ITPR1: variants seen among roughly 807,000 people sequenced by gnomAD.
ITPR1 encodes the protein inositol 1,4,5-trisphosphate-gated calcium channel ITPR1.
Under a neutral mutation model 318.4 loss-of-function variants are expected in ITPR1, and 96 were observed. The observed-to-expected ratio is 0.30, with a 90% CI of 0.26 to 0.36. The LOEUF is 0.36. ITPR1 is among the 10% of genes least tolerant of loss of function. The probability of loss-of-function intolerance (pLI) is 1.00; values close to 1 mark genes in which losing one functional copy is unlikely to be tolerated. For synonymous variants in ITPR1, 1,312 were observed against 1,289.9 expected (o/e 1.02, Z -0.37); for missense variants, 2,440 against 3,460.2 (o/e 0.71, Z 7.40).
chr3:4,645,975 A>T (rs2093447002), intron 10 of ITPR1: 2 of 442,570 alleles, frequency 4.5e-6, no homozygotes, highest in Non-Finnish European at 8.2e-6. Context: ...TAAGTGCATC[A>T]TGGCATATCA....
At chr3:4,673,615 C>T (rs1225290206) in intron 21 of ITPR1, among the ~76,000 whole-genome samples, 1 of 152,142 alleles carries the variant, frequency 6.6e-6, no homozygotes, top group Non-Finnish European at 1.5e-5. Flanking sequence ...TGGAGTCTCA[C>T]TCTGTTGCCC....
Position 4,526,480 on chromosome 3 carries a change from C to T in ITPR1, c.163+5386C>T, listed in dbSNP as rs529758148. ...TCCAGCGCTGAGGCCCTACTGTGTA[C>T]CAGCTGCTGGCCTTGGTGATGGCAG... On this transcript the variant is annotated intron_variant, in intron 4 of 61. Transcript: ENST00000649015. Among the ~76,000 whole-genome samples the T allele has an allele frequency of 3.3e-4, 51 of 152,336 alleles. No homozygotes were observed. In the South Asian group the frequency reaches 3.7e-3, roughly 11 times the overall value.
In ITPR1 at chr3:4,522,121, A is replaced by G. The variant is rs73807282; in HGVS notation, c.163+1027A>G. On this transcript the variant is annotated intron_variant, in intron 4 of 61. Transcript: ENST00000649015. ...TCATCTGAGGAAGTTTTTAAATTAA[A>G]TAGATGCTTGGGGCTCCATTGTAGA... Among the ~76,000 whole-genome samples the G allele has an allele frequency of 5.9e-3, 899 of 152,322 alleles. 8 individuals are homozygous for G. The highest frequency in any genetic ancestry group is 0.021 in the African/African-American group (871 of 41,572).
intron 4 of ITPR1, among the ~76,000 whole-genome samples, chr3:4,531,179 G>A (rs748369993): frequency 5.3e-5 from 8 of 152,140 alleles, no homozygotes; most frequent in Non-Finnish European, 1.2e-4. Context: ...TGCCACTTAA[G>A]TGAATTCACA....
intron 40 of ITPR1, among the ~76,000 whole-genome samples, chr3:4,723,212 G>T (rs546214262): frequency 9.2e-5 from 14 of 152,310 alleles, no homozygotes; most frequent in Middle Eastern, 6.8e-3. Flanking sequence ...TCAGGAAGTG[G>T]ATGCCCAGAG....
At chr3:4,657,531 G>A (rs1046316474) in intron 12 of ITPR1, among the ~76,000 whole-genome samples, 50 of 150,720 alleles carry the variant, frequency 3.3e-4, no homozygotes, top group Non-Finnish European at 6.5e-4. Context: ...GCGGTGGCGC[G>A]ATCTCAGCTC....
intron 21 of ITPR1, 95 bp from the exon 22 acceptor site, chr3:4,674,107 T>G: frequency 2.2e-6 from 2 of 922,548 alleles, no homozygotes; most frequent in East Asian, 2.7e-5. Flanking sequence ...ATGCCAAGGG[T>G]TAGGGGATGT....
chr3:4,817,398 TA>T (rs1280663123), intron 59 of ITPR1: 1 of 152,258 alleles, frequency 6.6e-6, no homozygotes, highest in Non-Finnish European at 1.5e-5. Flanking sequence ...CATCTGTGTA[TA>T]TATGTATGAA....
At chr3:4,837,585 T>C (rs1268295876) in intron 61 of ITPR1, among the ~76,000 whole-genome samples, 1 of 151,858 alleles carries the variant, frequency 6.6e-6, no homozygotes, top group African/African-American at 2.4e-5. Flanking sequence ...CCTTATCTTA[T>C]GGATAGGAAG....
At chr3:4,508,104 T>A (rs1247825200) in intron 2 of ITPR1, among the ~76,000 whole-genome samples, 1 of 152,132 alleles carries the variant, frequency 6.6e-6, no homozygotes, top group African/African-American at 2.4e-5. Flanking sequence ...GGATCCAAAG[T>A]ACCTGACTCT....
chr3:4,695,288 A>C (rs560919623), intron 33 of ITPR1, among the ~76,000 whole-genome samples: 84 of 152,350 alleles, frequency 5.5e-4, no homozygotes, highest in African/African-American at 1.9e-3. Flanking sequence ...ATTTCAACAT[A>C]GTTTTAATTT....
chr3:4,745,910 T>A lies in ITPR1; in HGVS notation c.5544+10556T>A, dbSNP rs143550732. ...ACCCAAGCTAGAAGCTTTGCAGTCATCAGACTTCTTTTTCTCTTGCTTTTC... is the reference window on the plus strand; with the variant it reads ...ACCCAAGCTAGAAGCTTTGCAGTCAACAGACTTCTTTTTCTCTTGCTTTTC... On this transcript the variant is annotated intron_variant, in intron 44 of 61. Transcript: ENST00000649015. 4.6e-4 allele frequency among the ~76,000 whole-genome samples: 70 copies of A among 152,346 alleles called. 1 individual carries two copies. In the East Asian group the frequency reaches 0.011, roughly 24 times the overall value.
At chr3:4,836,489 G>A (rs1342936561) in intron 60 of ITPR1, among the ~76,000 whole-genome samples, 1 of 152,134 alleles carries the variant, frequency 6.6e-6, no homozygotes, top group Non-Finnish European at 1.5e-5. Context: ...AGCAGCAGTG[G>A]CAGTATTCAG....
chr3:4,652,729 CTG>C (rs1559618060), intron 11 of ITPR1, among the ~76,000 whole-genome samples: 2 of 152,148 alleles, frequency 1.3e-5, no homozygotes, highest in Non-Finnish European at 2.9e-5. Flanking sequence ...CCTTAAATGT[CTG>C]TGAAGGGGCC....
At chr3:4,806,461 C>G (rs1376270890) in intron 55 of ITPR1, among the ~76,000 whole-genome samples, 194 bp downstream of exon 55, 2 of 152,180 alleles carry the variant, frequency 1.3e-5, no homozygotes, top group African/African-American at 4.8e-5. Flanking sequence ...CCCAGGAATT[C>G]AAGAGTCACA....
chr3:4,813,790 ATCT>A lies in ITPR1; in HGVS notation c.7561+560_7561+562del, dbSNP rs552444946. On this transcript the variant is annotated intron_variant, in intron 57 of 61. Transcript: ENST00000649015. Reference sequence around the variant, plus strand: ...CAAACAAAGGGCTAGATCATGAAGGATCTTCTATGTCAGGCGTAGGAGGTTAAA... The same window carrying A: ...CAAACAAAGGGCTAGATCATGAAGGATCTATGTCAGGCGTAGGAGGTTAAA... Among the ~76,000 whole-genome samples, 208 of 152,286 alleles carry A rather than the reference ATCT, an allele frequency of 1.4e-3. 2 individuals carry two copies. The highest frequency in any genetic ancestry group is 4.6e-3 in the African/African-American group (192 of 41,544).
At chr3:4,752,131 C>T (rs1266963606) in intron 44 of ITPR1, among the ~76,000 whole-genome samples, 2 of 152,180 alleles carry the variant, frequency 1.3e-5, no homozygotes, top group African/African-American at 4.8e-5. Flanking sequence ...CCCTGGAATT[C>T]AGGACTTTAA....
At chr3:4,617,008 G>A (rs1020552446) in intron 4 of ITPR1, among the ~76,000 whole-genome samples, 2 of 151,820 alleles carry the variant, frequency 1.3e-5, no homozygotes, top group Admixed American at 6.6e-5. Flanking sequence ...GCTTGTGGAC[G>A]TAGTGAGATC....
intron 40 of ITPR1, among the ~76,000 whole-genome samples, chr3:4,718,938 C>T (rs2041955608): frequency 6.6e-6 from 1 of 152,054 alleles, no homozygotes; most frequent in African/African-American, 2.4e-5. Context: ...TAAATTTTTC[C>T]TCTGAAATAT....
Sources: allele counts gnomAD v4.1 joint callset (sites outside exome capture counted in the v4.1 genomes callset), GRCh38; gene constraint gnomAD v4.1.1; transcripts MANE v1.5; gene names NCBI Gene and HGNC (gene_info 2026-07-23, HGNC 2026-07-21).